Variants in IGFL2 observed in about 807,000 individuals in gnomAD.
IGFL2 encodes the protein insulin growth factor-like family member 2.
Under a neutral mutation model 13.9 loss-of-function variants are expected in IGFL2, and 7 were observed. The observed-to-expected ratio is 0.51, with a 90% confidence interval of 0.29 to 0.95. The LOEUF is 0.95. IGFL2 is among the 40% of genes least tolerant of loss of function. The pLI is 0.08. For synonymous variants in IGFL2, 55 were observed against 55.8 expected (o/e 0.99, Z 0.07); for missense variants, 138 against 147.8 (o/e 0.93, Z 0.34).
At chr19:46,085,841 T>C in the IGFL2 span, among the ~76,000 whole-genome samples, 1 of 152,188 alleles carries the variant, frequency 6.6e-6, no homozygotes, top group Non-Finnish European at 1.5e-5. Context: ...CCTTAGCATT[T>C]GCTTGTATGA....
chr19:46,144,826 C>G (rs1207153337), upstream of IGFL2, among the ~76,000 whole-genome samples: 3 of 152,248 alleles, frequency 2.0e-5, no homozygotes, highest in East Asian at 5.8e-4. Context: ...TCACTCTTTC[C>G]TATAGTTTTG....
At chr19:46,201,050 C>T in the IGFL2 span, among the ~76,000 whole-genome samples, 1 of 152,286 alleles carries the variant, frequency 6.6e-6, no homozygotes, top group African/African-American at 2.4e-5. Flanking sequence ...GTATGGAGGA[C>T]ACTACTCTTT....
chr19:46,079,993 A>G, the IGFL2 span, among the ~76,000 whole-genome samples: 1 of 152,046 alleles, frequency 6.6e-6, no homozygotes, highest in South Asian at 2.1e-4. Context: ...CTTAACCGTG[A>G]TAAGTTGGAA....
At chr19:46,148,722 TG>T in intron 1 of IGFL2, 1 of 670,348 alleles carries the variant, frequency 1.5e-6, no homozygotes, top group Non-Finnish European at 2.4e-6. Flanking sequence ...AGAATGGGTG[TG>T]GTGAGTGGAG....
the IGFL2 span, among the ~76,000 whole-genome samples, chr19:46,194,167 G>A: frequency 1.3e-5 from 2 of 152,086 alleles, no homozygotes; most frequent in Non-Finnish European, 2.9e-5. Context: ...CCCCACTGGG[G>A]GTCCCTGGAA....
the IGFL2 span, among the ~76,000 whole-genome samples, chr19:46,172,786 T>C: frequency 8.3e-4 from 126 of 152,330 alleles, 2 homozygotes; most frequent in Middle Eastern, 0.017. Flanking sequence ...GGTGCGATCT[T>C]GGCTCACTGT....
the IGFL2 span, among the ~76,000 whole-genome samples, chr19:46,081,090 A>G: frequency 7.9e-5 from 12 of 152,180 alleles, no homozygotes; most frequent in Admixed American, 7.2e-4. Flanking sequence ...CAGGCTTCCC[A>G]CACAACTATC....
At chr19:46,181,039 G>A in the IGFL2 span, among the ~76,000 whole-genome samples, 1 of 152,108 alleles carries the variant, frequency 6.6e-6, no homozygotes, top group Admixed American at 6.6e-5. Context: ...ACAATATTTT[G>A]CATTCTTGTA....
chr19:46,115,386 A>G, the IGFL2 span, among the ~76,000 whole-genome samples: 1 of 152,222 alleles, frequency 6.6e-6, no homozygotes, highest in African/African-American at 2.4e-5. Flanking sequence ...GGTAAGGCAC[A>G]TAAAACAAAA....
chr19:46,156,758 A>G (rs1011223255), intron 1 of IGFL2, among the ~76,000 whole-genome samples: 15 of 152,292 alleles, frequency 9.8e-5, no homozygotes, highest in African/African-American at 3.6e-4. Flanking sequence ...AAATAAACCC[A>G]AAGCAAGAAG....
At chr19:46,201,857 A>G in the IGFL2 span, among the ~76,000 whole-genome samples, 1 of 152,152 alleles carries the variant, frequency 6.6e-6, no homozygotes. Context: ...GTAAAGGATC[A>G]TTAACCTTGA....
At chr19:46,182,778 A>G in the IGFL2 span, among the ~76,000 whole-genome samples, 1 of 152,016 alleles carries the variant, frequency 6.6e-6, no homozygotes, top group African/African-American at 2.4e-5. Context: ...GCTGAAGGAC[A>G]TTGGGTCAGT....
chr19:46,107,564 GT>G, the IGFL2 span, among the ~76,000 whole-genome samples: 1 of 152,192 alleles, frequency 6.6e-6, no homozygotes, highest in Admixed American at 6.5e-5. Flanking sequence ...TGGTTTAGGA[GT>G]TTCAAAGTTC....
chr19:46,163,518 TCTC>T (rs533958380), downstream of IGFL2, among the ~76,000 whole-genome samples: 109 of 152,252 alleles, frequency 7.2e-4, 1 homozygote, highest in African/African-American at 2.6e-3. Flanking sequence ...AACAGACTGA[TCTC>T]CTCTCCTTGG....
the IGFL2 span, among the ~76,000 whole-genome samples, chr19:46,096,133 T>C: frequency 6.6e-6 from 1 of 152,214 alleles, no homozygotes; most frequent in Admixed American, 6.5e-5. Context: ...TTCATGATAC[T>C]GATTCTTCCT....
chr19:46,095,372 G>T, the IGFL2 span, among the ~76,000 whole-genome samples: 32 of 151,756 alleles, frequency 2.1e-4, no homozygotes, highest in African/African-American at 7.5e-4. Flanking sequence ...TTTTTGATGG[G>T]TTGTTTTTTT....
chr19:46,136,131 C>T, the IGFL2 span, among the ~76,000 whole-genome samples: 3 of 152,170 alleles, frequency 2.0e-5, no homozygotes, highest in African/African-American at 7.2e-5. Flanking sequence ...GGATGTCAAC[C>T]TCTCTAGCAA....
At chr19:46,149,516 A>T (rs960195512) in intron 1 of IGFL2, among the ~76,000 whole-genome samples, 1 of 150,750 alleles carries the variant, frequency 6.6e-6, no homozygotes, top group Non-Finnish European at 1.5e-5. Context: ...CCGCATGCCC[A>T]TTTAGCTGTT....
At chr19:46,178,747 T>C in the IGFL2 span, among the ~76,000 whole-genome samples, 1 of 152,184 alleles carries the variant, frequency 6.6e-6, no homozygotes, top group East Asian at 1.9e-4. Context: ...AATCCACCCA[T>C]AAGCCCCCAC....
Sources: allele counts gnomAD v4.1 joint callset (sites outside exome capture counted in the v4.1 genomes callset), GRCh38; gene constraint gnomAD v4.1.1; transcripts MANE v1.5; gene names NCBI Gene and HGNC (gene_info 2026-07-23, HGNC 2026-07-21).